CRB1: variants seen among roughly 807,000 people sequenced by gnomAD.
CRB1 encodes the protein protein crumbs homolog 1.
In CRB1, 83 loss-of-function variants were observed where a neutral mutation model predicts 120.0. That is an observed-to-expected ratio of 0.69 (90% CI 0.58 to 0.83). The LOEUF (loss-of-function observed/expected upper bound fraction) is 0.83, where lower values mean the gene tolerates loss of function less well. Among genes scored for constraint, CRB1 ranks in the 40% least tolerant of loss-of-function variants. The pLI, the probability that CRB1 is intolerant of heterozygous loss-of-function variation, is 0.00. For synonymous variants in CRB1, 625 were observed against 612.5 expected (o/e 1.02, Z -0.30); for missense variants, 1,699 against 1,687.6 (o/e 1.01, Z -0.12).
chr1:197,215,879 T>C, the CRB1 span, among the ~76,000 whole-genome samples: 1 of 152,208 alleles, frequency 6.6e-6, no homozygotes, highest in African/African-American at 2.4e-5. Context: ...TTTATATCAA[T>C]GACATATGTC....
chr1:197,447,151 C>G (rs1164019563), intron 11 of CRB1, among the ~76,000 whole-genome samples: 1 of 152,182 alleles, frequency 6.6e-6, no homozygotes, highest in Non-Finnish European at 1.5e-5. Context: ...AGACAGCATT[C>G]AAGGTGTCAG....
At chr1:197,320,957 T>C (rs1000961082) in intron 1 of CRB1, among the ~76,000 whole-genome samples, 1 of 152,202 alleles carries the variant, frequency 6.6e-6, no homozygotes, top group African/African-American at 2.4e-5. Flanking sequence ...CATCAGATAT[T>C]CTCTTTCAAA....
chr1:197,402,300 C>T (rs1663106302), intron 5 of CRB1, among the ~76,000 whole-genome samples: 1 of 152,174 alleles, frequency 6.6e-6, no homozygotes, highest in African/African-American at 2.4e-5. Context: ...TATGTGAGAA[C>T]ATGCAGTATT....
At chr1:197,246,770 A>G in the CRB1 span, among the ~76,000 whole-genome samples, 1 of 152,134 alleles carries the variant, frequency 6.6e-6, no homozygotes, top group African/African-American at 2.4e-5. Flanking sequence ...TTACATTCAC[A>G]TACATATTGT....
chr1:197,450,250 T>C (rs1665894883), intron 11 of CRB1, among the ~76,000 whole-genome samples: 1 of 152,204 alleles, frequency 6.6e-6, no homozygotes, highest in South Asian at 2.1e-4. Flanking sequence ...GAGATTGTAA[T>C]CGCATAGGTA....
At chr1:197,364,094 G>A (rs1198297608) in intron 5 of CRB1, 4 of 1,169,004 alleles carry the variant, frequency 3.4e-6, no homozygotes, top group Non-Finnish European at 4.9e-6. Context: ...GGGCAGATCC[G>A]TGGGTGGGCT....
chr1:197,381,362 C>T (rs1306674653), intron 5 of CRB1, among the ~76,000 whole-genome samples: 13 of 152,170 alleles, frequency 8.5e-5, no homozygotes, highest in Non-Finnish European at 1.6e-4. Context: ...TCACTTACTT[C>T]GTATCTCATA....
intron 1 of CRB1, among the ~76,000 whole-genome samples, chr1:197,288,438 TA>T (rs1206170301): frequency 6.6e-6 from 1 of 151,804 alleles, no homozygotes; most frequent in Non-Finnish European, 1.5e-5. Context: ...AAACTGTTTC[TA>T]AAAAACTGCA....
chr1:197,271,248 T>C (rs1423643876), intron 1 of CRB1, among the ~76,000 whole-genome samples: 1 of 152,142 alleles, frequency 6.6e-6, no homozygotes, highest in Non-Finnish European at 1.5e-5. Context: ...AATATCATAT[T>C]AATTGAAGGA....
chr1:197,454,025 C>T (rs1418189424), intron 11 of CRB1, among the ~76,000 whole-genome samples: 1 of 146,546 alleles, frequency 6.8e-6, no homozygotes. Flanking sequence ...AGGTCTCACT[C>T]ATGTTGCCGA....
the CRB1 span, among the ~76,000 whole-genome samples, chr1:197,231,047 T>G: frequency 6.6e-6 from 1 of 152,206 alleles, no homozygotes; most frequent in Non-Finnish European, 1.5e-5. Context: ...TAATAGACTT[T>G]GCTTCCCAAT....
the CRB1 span, among the ~76,000 whole-genome samples, chr1:197,220,838 G>A: frequency 6.8e-3 from 1,029 of 152,202 alleles, 9 homozygotes; most frequent in African/African-American, 0.023. Context: ...CATGTAAGAC[G>A]TGCTTGCTTC....
chr1:197,278,897 G>A (rs114735127), intron 1 of CRB1, among the ~76,000 whole-genome samples: 338 of 151,968 alleles, frequency 2.2e-3, no homozygotes, highest in African/African-American at 7.9e-3. Flanking sequence ...TATGTGTAAA[G>A]GCTGTCCAGA....
In CRB1 at chr1:197,427,483, G is replaced by A. The variant is rs1435210193; in HGVS notation, c.2158G>A (p.Asp720Asn). Residue 720 changes from aspartate (D) to asparagine (N), a missense_variant, in exon 7 of 12, where the codon GAC becomes AAC. Transcript: ENST00000367400. ...TGTGGCAGGCAGATTTGGCCAGGAT[G>A]ACTCCACTGGTTATGTCATCTTTAC... is the stretch of plus-strand genomic sequence containing the variant. ...EYVAGRFGQD[D>N]STGYVIFTLD... 20 of 1,613,658 alleles carry A rather than the reference G, an allele frequency of 1.2e-5. No homozygotes were observed. The highest frequency in any genetic ancestry group is 2.7e-5 in the African/African-American group (2 of 74,804).
chr1:197,293,380 G>A (rs528616458), intron 1 of CRB1, among the ~76,000 whole-genome samples: 1 of 152,074 alleles, frequency 6.6e-6, no homozygotes, highest in Non-Finnish European at 1.5e-5. Flanking sequence ...TCTTCAAGGA[G>A]AACTACAAAC....
At chr1:197,369,214 A>G (rs1661239704) in intron 5 of CRB1, among the ~76,000 whole-genome samples, 1 of 152,102 alleles carries the variant, frequency 6.6e-6, no homozygotes. Context: ...ATCATTAAGT[A>G]CAATATTATT....
At position 197,363,782 on chromosome 1, in the gene CRB1, G is replaced by A; in HGVS notation, c.1171+6769G>A. The A allele has an allele frequency of 7.4e-6, 5 of 678,540 alleles. No individual in the cohort carries two copies. The East Asian group carries it at 8.2e-5, about 11-fold the overall frequency. The allele number at this position is 678,540 out of a possible 1,614,324, so 42.0% of individuals were successfully genotyped here. A position where few individuals can be genotyped will look rare whatever the true frequency, so the allele number is the denominator to read the frequency against. On this transcript the variant is annotated intron_variant, in intron 5 of 11. Transcript: ENST00000367400. ...TTTCCATGCCTGGCAACGGGTCTTT[G>A]TGGCTCTGCAGAATGGAGATTTAAA...
chr1:197,240,684 T>A, the CRB1 span, among the ~76,000 whole-genome samples: 1 of 152,312 alleles, frequency 6.6e-6, no homozygotes, highest in South Asian at 2.1e-4. Flanking sequence ...TATGTGTGCA[T>A]GTGTCTTTAT....
rs1273189858 is a variant in CRB1, at chr1:197,438,222, G to A, written c.3750-325G>A. On this transcript the variant is annotated intron_variant, in intron 9 of 11. Transcript: ENST00000367400. ...TCCTATGGCCTTTATTGATTTATTA[G>A]CAAAGCAGCAGCAAATCTAGTTATA... 22 of 330,802 alleles carry A rather than the reference G, an allele frequency of 6.7e-5. No individual in the cohort carries two copies. The Admixed American group carries it at 9.1e-4, about 14-fold the overall frequency. The allele number at this position is 330,802 out of a possible 1,614,324, so 20.5% of individuals were successfully genotyped here. A position where few individuals can be genotyped will look rare whatever the true frequency, so the allele number is the denominator to read the frequency against.
Sources: allele counts gnomAD v4.1 joint callset (sites outside exome capture counted in the v4.1 genomes callset), GRCh38; gene constraint gnomAD v4.1.1; transcripts MANE v1.5; gene names NCBI Gene and HGNC (gene_info 2026-07-23, HGNC 2026-07-21).